Variants in ZWILCH observed in about 807,000 individuals in gnomAD.
ZWILCH encodes the protein zwilch kinetochore protein, also known as protein zwilch homolog.
ZWILCH carries 74 observed loss-of-function variants against 79.9 expected under a neutral mutation model. The ratio of observed to expected loss-of-function variants is 0.93; its 90% confidence interval spans 0.77 to 1.12. The LOEUF is 1.12. ZWILCH is among the 50% of genes most tolerant of loss of function. ZWILCH has a pLI of 0.00. For missense variants in ZWILCH, 694 were observed against 687.5 expected, an observed-to-expected ratio of 1.01 and a Z score of -0.11; for synonymous variants, 241 against 228.2, an observed-to-expected ratio of 1.06 and a Z score of -0.51.
intron 14 of ZWILCH, 95 bp downstream of exon 14, chr15:66,533,108 T>G (rs887762290): frequency 1.6e-5 from 13 of 794,728 alleles, no homozygotes; most frequent in Non-Finnish European, 2.3e-5. Flanking sequence ...GCCACTGTCT[T>G]AGGTCCTGGG....
In ZWILCH at chr15:66,540,111, A is replaced by G; in HGVS notation, c.1588A>G (p.Lys530Glu). 6.2e-7 allele frequency: 1 copy of G among 1,605,340 alleles called. No individual in the cohort carries two copies. The highest frequency in any genetic ancestry group is 8.5e-7 in the Non-Finnish European group (1 of 1,177,808). Reference protein sequence around the residue: ...KNLYQSEKPQKWRVEIYSGQK... With the variant: ...KNLYQSEKPQEWRVEIYSGQK... Reference sequence around the variant, plus strand: ...TTCTTTCCTTAGTGAGAAGCCACAGAAATGGAGAGTGGAAATATATAGTGG... The same window carrying G: ...TTCTTTCCTTAGTGAGAAGCCACAGGAATGGAGAGTGGAAATATATAGTGG... The change falls in exon 17 of 19, where the codon AAA becomes GAA. Residue 530 changes from lysine to glutamate, a missense_variant. Physicochemically the swap from Lys to Glu is moderately conservative, Grantham distance 56 (BLOSUM62 1). Coordinates refer to ENST00000307897, the MANE Select transcript of ZWILCH (RefSeq NM_017975.5).
Position 66,528,879 on chromosome 15 carries a change from G to A in ZWILCH, c.997G>A (p.Asp333Asn), listed in dbSNP as rs140914823. 130 of 1,613,924 alleles carry A rather than the reference G, an allele frequency of 8.1e-5. No individual in the cohort carries two copies. In the African/African-American group the frequency reaches 1.3e-3, roughly 16 times the overall value. The stretch of plus-strand genomic sequence containing the variant: ...CTTGAAGCATGACACTGCTGCAGTC[G>A]ATCGTTCCGTCAAGCGTCTTTTCAA... Reference protein sequence around the residue: ...ETLKHDTAAVDRSVKRLFKVR... With the variant: ...ETLKHDTAAVNRSVKRLFKVR... Residue 333 changes from aspartate to asparagine, a missense_variant, in exon 11 of 19, where the codon GAT becomes AAT. Asp to Asn is a conservative substitution (Grantham distance 23, BLOSUM62 1). Transcript: ENST00000307897.
At chr15:66,518,682 G>T (rs1036720495) in intron 4 of ZWILCH, among the ~76,000 whole-genome samples, 197 bp from the exon 5 acceptor site, 3 of 152,172 alleles carry the variant, frequency 2.0e-5, no homozygotes, top group African/African-American at 4.8e-5. Flanking sequence ...GCAGTGGCTT[G>T]TATCTGTAGT....
chr15:66,526,061 A>G (rs1894663678), intron 8 of ZWILCH, among the ~76,000 whole-genome samples: 1 of 151,914 alleles, frequency 6.6e-6, no homozygotes, highest in African/African-American at 2.4e-5. Flanking sequence ...ACCATGCCCA[A>G]CCATCTTCAC....
At chr15:66,514,280 TA>T in intron 3 of ZWILCH, 197 bp downstream of exon 3, 1 of 328,324 alleles carries the variant, frequency 3.0e-6, no homozygotes. Context: ...GTAGCCTCAT[TA>T]AGAAATAATC....
chr15:66,513,871 G>T, intron 2 of ZWILCH, 117 bp from the exon 3 acceptor site: 1 of 729,724 alleles, frequency 1.4e-6, no homozygotes, highest in Non-Finnish European at 2.1e-6. Context: ...GTGCCCGGCC[G>T]AGACTCTGTC....
intron 17 of ZWILCH, 122 bp from the exon 18 acceptor site, chr15:66,546,469 T>G: frequency 2.1e-6 from 1 of 465,286 alleles, no homozygotes; most frequent in Non-Finnish European, 3.8e-6. Context: ...TCTCTTAAAG[T>G]AGAAGACACA....
Position 66,508,892 on chromosome 15 carries a change from G to C in ZWILCH, c.105G>C (p.Glu35Asp). The C allele has an allele frequency of 1.2e-6, 2 of 1,613,550 alleles. No individual in the cohort carries two copies. Among genetic ancestry groups the C allele is most frequent in the Non-Finnish European group, 1.7e-6 (2 of 1,179,776 alleles). ...TCCGTAAAGACCCATTTCTCTATGA[G>C]GTATGAACAATTTGGTTTTTAAACA... ...KGIRKDPFLY[E>D]ADVQVQLISK... The change falls in exon 2 of 19, where the codon GAG becomes GAC. Residue 35 changes from glutamate to aspartate, a missense_variant and splice_region_variant. Physicochemically the swap from Glu to Asp is conservative, Grantham distance 45. Transcript: ENST00000307897.
chr15:66,541,716 G>A (rs1007546121), intron 17 of ZWILCH, among the ~76,000 whole-genome samples: 5 of 152,164 alleles, frequency 3.3e-5, no homozygotes, highest in Admixed American at 3.3e-4. Context: ...GTTGTACGGT[G>A]CTGTTGTCTC....
At chr15:66,546,905 G>A in intron 18 of ZWILCH, 200 bp downstream of exon 18, 2 of 228,046 alleles carry the variant, frequency 8.8e-6, no homozygotes, top group Non-Finnish European at 1.7e-5. Flanking sequence ...ACTTTTAATA[G>A]GTCAATTTAA....
intron 17 of ZWILCH, 146 bp downstream of exon 17, chr15:66,540,356 A>C: frequency 1.8e-6 from 1 of 561,100 alleles, no homozygotes; most frequent in East Asian, 3.5e-5. Flanking sequence ...GTTTGAGACC[A>C]GCCTGGCCAA....
chr15:66,544,110 A>AG (rs1403378246), intron 17 of ZWILCH, among the ~76,000 whole-genome samples: 1 of 152,026 alleles, frequency 6.6e-6, no homozygotes, highest in Non-Finnish European at 1.5e-5. Flanking sequence ...ATAAAAAATT[A>AG]GCCGGGCATG....
At chr15:66,512,683 C>T (rs1203971019) in intron 2 of ZWILCH, among the ~76,000 whole-genome samples, 1 of 152,210 alleles carries the variant, frequency 6.6e-6, no homozygotes, top group South Asian at 2.1e-4. Flanking sequence ...TATCGGCTCA[C>T]TGCAACCTCC....
At chr15:66,525,699 C>T (rs1366577114) in intron 8 of ZWILCH, among the ~76,000 whole-genome samples, 1 of 152,018 alleles carries the variant, frequency 6.6e-6, no homozygotes, top group Non-Finnish European at 1.5e-5. Context: ...ACTCCATGCC[C>T]CAAGTTCGCC....
At chr15:66,525,182 G>C (rs12911837) in intron 8 of ZWILCH, among the ~76,000 whole-genome samples, 1 of 152,168 alleles carries the variant, frequency 6.6e-6, no homozygotes, top group Non-Finnish European at 1.5e-5. Context: ...ACTTTAGTAA[G>C]AACTGTTATT....
intron 18 of ZWILCH, 36 bp from the exon 19 acceptor site, chr15:66,548,293 ACAAGTGTTTTTTTTTTTAATTT>A (rs1034717699): frequency 1.6e-4 from 65 of 401,350 alleles, no homozygotes; most frequent in Admixed American, 4.2e-4. Flanking sequence ...GGGTGAGATT[ACAAGTGTTTTTTTTTTTAATTT>A]CTGCTTATTT....
chr15:66,508,961 A>T (rs959261044), intron 2 of ZWILCH, 69 bp downstream of exon 2: 2 of 1,541,156 alleles, frequency 1.3e-6, no homozygotes, highest in African/African-American at 2.8e-5. Context: ...TTATTTTGAG[A>T]CGGAGTCATG....
At chr15:66,537,543 T>C (rs944131296) in intron 16 of ZWILCH, among the ~76,000 whole-genome samples, 1 of 151,862 alleles carries the variant, frequency 6.6e-6, no homozygotes, top group Non-Finnish European at 1.5e-5. Flanking sequence ...ATACAAAAAT[T>C]AGCTGGGCAT....
Position 66,515,631 on chromosome 15 carries a change from G to T in ZWILCH, c.307G>T (p.Val103Phe). The T allele has an allele frequency of 6.2e-7, 1 of 1,611,736 alleles. No individual in the cohort carries two copies. The highest frequency in any genetic ancestry group is 8.5e-7 in the Non-Finnish European group (1 of 1,178,322). ...AAATGTTGGACCACTTGCTTTACCA[G>T]TTGGGAAGGCAAGGTAGGTTTTCTC... Reference protein sequence around the residue: ...GENVGPLALPVGKARQLIGLY... With the variant: ...GENVGPLALPFGKARQLIGLY... The change falls in exon 4 of 19, where the codon GTT (valine) becomes TTT (phenylalanine). Residue 103 changes from valine (V) to phenylalanine (F), a missense_variant. Val to Phe is a conservative substitution (Grantham distance 50, BLOSUM62 -1). Transcript: ENST00000307897.
Sources: gnomAD v4.1 joint callset for allele counts (sites outside exome capture counted in the v4.1 genomes callset) on GRCh38, gnomAD v4.1.1 for gene constraint, MANE v1.5 for transcripts, NCBI Gene and HGNC (gene_info 2026-07-23, HGNC 2026-07-21) for gene names.